The following KCND2 variants were observed in gnomAD, a reference collection of about 807,000 sequenced individuals.
The protein encoded by KCND2 is A-type voltage-gated potassium channel KCND2.
In KCND2, 16 loss-of-function variants were observed where a neutral mutation model predicts 54.4. The observed-to-expected ratio is 0.29, with a 90% confidence interval of 0.20 to 0.45. The LOEUF is 0.45. Ranked by LOEUF, KCND2 falls within the 20% of genes least tolerant of loss-of-function variation. The probability of loss-of-function intolerance (pLI) is 1.00; values close to 1 mark genes in which losing one functional copy is unlikely to be tolerated. For synonymous variants in KCND2, 317 were observed against 310.7 expected, an observed-to-expected ratio of 1.02 and a Z score of -0.21; for missense variants, 486 against 824.2, an observed-to-expected ratio of 0.59 and a Z score of 5.02.
chr7:120,717,722 A>G (rs1488644792), intron 1 of KCND2, among the ~76,000 whole-genome samples: 3 of 151,936 alleles, frequency 2.0e-5, no homozygotes, highest in Non-Finnish European at 4.4e-5. Flanking sequence ...CATCTCTTCT[A>G]TTTACTGCTT....
intron 1 of KCND2, among the ~76,000 whole-genome samples, chr7:120,304,470 G>A (rs1007724340): frequency 6.6e-6 from 1 of 152,042 alleles, no homozygotes; most frequent in African/African-American, 2.4e-5. Context: ...CCTCCATGCC[G>A]GCAGCATTGG....
chr7:120,677,240 C>A (rs978935100), intron 1 of KCND2, among the ~76,000 whole-genome samples: 1 of 151,952 alleles, frequency 6.6e-6, no homozygotes, highest in Non-Finnish European at 1.5e-5. Context: ...CAAAAAAAAT[C>A]TGTGAATAAA....
At chr7:120,497,605 A>G (rs1388328588) in intron 1 of KCND2, among the ~76,000 whole-genome samples, 3 of 152,144 alleles carry the variant, frequency 2.0e-5, no homozygotes. Context: ...TGGCCATCCT[A>G]GGTCTAGTCT....
chr7:120,623,259 A>T (rs572559412), intron 1 of KCND2, among the ~76,000 whole-genome samples: 2 of 152,278 alleles, frequency 1.3e-5, no homozygotes, highest in East Asian at 3.9e-4. Context: ...ATCAGAAAAT[A>T]AGCGTGTATT....
intron 1 of KCND2, among the ~76,000 whole-genome samples, chr7:120,403,769 TATTG>T (rs1376450404): frequency 6.6e-6 from 1 of 152,132 alleles, no homozygotes; most frequent in Non-Finnish European, 1.5e-5. Flanking sequence ...TGTCTAATTT[TATTG>T]ATCAGAGTGA....
chr7:120,550,173 G>C (rs1792089167), intron 1 of KCND2, among the ~76,000 whole-genome samples: 1 of 151,814 alleles, frequency 6.6e-6, no homozygotes, highest in Non-Finnish European at 1.5e-5. Flanking sequence ...TTGCTCTAGT[G>C]CCTTTTTTTT....
intron 1 of KCND2, among the ~76,000 whole-genome samples, chr7:120,510,890 T>C (rs1803103660): frequency 6.6e-6 from 1 of 151,674 alleles, no homozygotes. Flanking sequence ...CCATGAGTCT[T>C]TGAAATCCAA....
chr7:120,439,964 G>C (rs1230886730), intron 1 of KCND2, among the ~76,000 whole-genome samples: 1 of 152,164 alleles, frequency 6.6e-6, no homozygotes, highest in East Asian at 1.9e-4. Context: ...GAACATGACA[G>C]TGCAGATATC....
At chr7:120,476,904 C>T (rs376833848) in intron 1 of KCND2, among the ~76,000 whole-genome samples, 1 of 152,160 alleles carries the variant, frequency 6.6e-6, no homozygotes, top group East Asian at 1.9e-4. Flanking sequence ...TTGCACCACC[C>T]TTAACTTTTC....
intron 1 of KCND2, among the ~76,000 whole-genome samples, chr7:120,467,970 A>G (rs1487649280): frequency 6.6e-6 from 1 of 152,114 alleles, no homozygotes; most frequent in Admixed American, 6.6e-5. Flanking sequence ...TTTAATAGCC[A>G]CTTACGAAGT....
chr7:120,529,067 A>G (rs950611860), intron 1 of KCND2, among the ~76,000 whole-genome samples: 2 of 152,232 alleles, frequency 1.3e-5, no homozygotes, highest in African/African-American at 4.8e-5. Context: ...TTTCACTACA[A>G]CCAGTAACTC....
intron 1 of KCND2, among the ~76,000 whole-genome samples, chr7:120,502,113 T>C (rs895485385): frequency 1.3e-5 from 2 of 152,058 alleles, no homozygotes; most frequent in Non-Finnish European, 2.9e-5. Flanking sequence ...CGGTTGGAAA[T>C]GTGGGAAGCC....
intron 1 of KCND2, among the ~76,000 whole-genome samples, chr7:120,685,744 AG>A (rs1792194006): frequency 6.6e-6 from 1 of 152,246 alleles, no homozygotes; most frequent in African/African-American, 2.4e-5. Flanking sequence ...AAATGAAGAA[AG>A]AAAAGTTATC....
At chr7:120,573,120 G>T (rs1489545330) in intron 1 of KCND2, among the ~76,000 whole-genome samples, 1 of 152,000 alleles carries the variant, frequency 6.6e-6, no homozygotes, top group Non-Finnish European at 1.5e-5. Context: ...TACAATTCTC[G>T]AAATTCTACC....
chr7:120,615,246 C>T (rs17355253), intron 1 of KCND2, among the ~76,000 whole-genome samples: 5,992 of 152,168 alleles, frequency 0.039, 157 homozygotes, highest in Non-Finnish European at 0.066. Flanking sequence ...GAATAGTTAC[C>T]AGAATGATCA....
chr7:120,530,432 G>A (rs1368940476), intron 1 of KCND2, among the ~76,000 whole-genome samples: 2 of 152,118 alleles, frequency 1.3e-5, no homozygotes, highest in African/African-American at 4.8e-5. Context: ...TTCAGAGCAG[G>A]TGCTTTCTCA....
chr7:120,422,411 C>G (rs955259595), intron 1 of KCND2, among the ~76,000 whole-genome samples: 5 of 152,192 alleles, frequency 3.3e-5, no homozygotes, highest in African/African-American at 1.2e-4. Flanking sequence ...AAGTCCTCCT[C>G]TTCCTGGCCT....
At chr7:120,569,216 A>G (rs1041586230) in intron 1 of KCND2, among the ~76,000 whole-genome samples, 1 of 152,132 alleles carries the variant, frequency 6.6e-6, no homozygotes. Context: ...TCCTCGGCAC[A>G]GTGTAACCAA....
chr7:120,471,518 G>A (rs930165669), intron 1 of KCND2, among the ~76,000 whole-genome samples: 1 of 152,050 alleles, frequency 6.6e-6, no homozygotes, highest in African/African-American at 2.4e-5. Flanking sequence ...TTGCAGGCAA[G>A]GTATATACCT....
Sources: gnomAD v4.1 joint callset for allele counts (sites outside exome capture counted in the v4.1 genomes callset) on GRCh38, gnomAD v4.1.1 for gene constraint, MANE v1.5 for transcripts, NCBI Gene and HGNC (gene_info 2026-07-23, HGNC 2026-07-21) for gene names.